The following PPL variants were observed in gnomAD, a reference collection of about 807,000 sequenced individuals.
PPL encodes periplakin.
Under a neutral mutation model 194.4 loss-of-function variants are expected in PPL, and 198 were observed. The observed-to-expected ratio is 1.02, with a 90% confidence interval of 0.91 to 1.15. The LOEUF (loss-of-function observed/expected upper bound fraction) is 1.15. PPL is among the 50% of genes most tolerant of loss of function. The probability of loss-of-function intolerance (pLI) is 0.00; values close to 1 mark genes in which losing one functional copy is unlikely to be tolerated. For missense variants in PPL, 2,885 were observed against 2,294.8 expected (o/e 1.26, Z -5.25); for synonymous variants, 1,220 against 972.4 (o/e 1.25, Z -4.74).
Position 4,899,049 on chromosome 16 carries a change from C to G in PPL, c.840G>C (p.Leu280=). ...TCCTCCCGGGGTGCTCGGCCGCCAGCAGCTGGTCGCCCTCGCTGTGCAGTT... is the reference window on the plus strand; with the variant it reads ...TCCTCCCGGGGTGCTCGGCCGCCAGGAGCTGGTCGCCCTCGCTGTGCAGTT... ...INKLHSEGDQ[L]LAAEHPGRNS... Residue 280 remains leucine, a synonymous_variant, in exon 8 of 22, where the codon CTG becomes CTC. Coordinates refer to ENST00000345988, the MANE Select transcript of PPL (RefSeq NM_002705.5). 1 of 1,612,936 alleles carries G rather than the reference C, an allele frequency of 6.2e-7. No homozygotes were observed. Among genetic ancestry groups the G allele is most frequent in the Non-Finnish European group, 8.5e-7 (1 of 1,179,448 alleles).
At position 4,890,802 on chromosome 16, in the gene PPL, G is replaced by C; in HGVS notation, c.2088C>G (p.Asp696Glu). The C allele has an allele frequency of 6.2e-7, 1 of 1,603,588 alleles. No homozygotes were observed. The highest frequency in any genetic ancestry group is 2.3e-5 in the East Asian group (1 of 44,422). ...GCACCTCGGCCTCCTGGCGCTCCAG[G>C]TCCGGACAGTGCTCCTGGAAGCGGC... Reference protein sequence around the residue: ...LASRFQEHCPDLERQEAEVHK... With the variant: ...LASRFQEHCPELERQEAEVHK... Residue 696 changes from aspartate to glutamate, a missense_variant, in exon 17 of 22, where the codon GAC (aspartate) becomes GAG (glutamate). Transcript: ENST00000345988.
At position 4,887,198 on chromosome 16, in the gene PPL, T is replaced by G. The variant is rs2088232587; in HGVS notation, c.2544A>C (p.Glu848Asp). Reference sequence around the variant, plus strand: ...GCCTCTGTCTGTTGATGGCATAAACTTCAGTGAACTTGGCGGCAAGTGCTG... The same window carrying G: ...GCCTCTGTCTGTTGATGGCATAAACGTCAGTGAACTTGGCGGCAAGTGCTG... Reference protein sequence around the residue: ...EEAALAAKFTEVYAINRQRLQ... With the variant: ...EEAALAAKFTDVYAINRQRLQ... The change falls in exon 21 of 22, where the codon GAA becomes GAC. Residue 848 changes from glutamate to aspartate, a missense_variant. By Grantham distance (45) the Glu-to-Asp change is conservative (BLOSUM62 2). Transcript: ENST00000345988. 1 of 1,613,994 alleles carries G rather than the reference T, an allele frequency of 6.2e-7. No individual in the cohort carries two copies. Among genetic ancestry groups the G allele is most frequent in the African/African-American group, 1.3e-5 (1 of 74,916 alleles).
chr16:4,894,530 A>G lies in PPL; in HGVS notation c.1331T>C (p.Ile444Thr), dbSNP rs1211520675. 1.2e-6 allele frequency: 2 copies of G among 1,613,952 alleles called. No homozygotes were observed. The highest frequency in any genetic ancestry group is 1.1e-5 in the South Asian group (1 of 91,076). The part of the protein sequence containing the change: ...ELMDSAGNKL[I>T]APAVCFVIPP... ...GATCACAAAACACACGGCCGGAGCA[A>G]TCAGCTTGTTCCCAGCGCTGTCCAT... The change falls in exon 12 of 22, where the codon ATT becomes ACT. Residue 444 changes from isoleucine to threonine, a missense_variant. Coordinates refer to ENST00000345988, the MANE Select transcript of PPL (RefSeq NM_002705.5).
chr16:4,887,960 C>T (rs147139381), intron 20 of PPL, 142 bp downstream of exon 20: 371 of 657,334 alleles, frequency 5.6e-4, no homozygotes, highest in Non-Finnish European at 8.9e-4. Context: ...CTTACCAAAC[C>T]TGTTTGCATG....
rs1049096858 is a variant in PPL at position 4,894,490 on chromosome 16, A to G, written c.1371T>C (p.Pro457=). Reference sequence around the variant, plus strand: ...ACCTGTCAGCCAGAGCCAGGGCCTCAGGGTCTGTGGGGGGGATCACAAAAC... The same window carrying G: ...ACCTGTCAGCCAGAGCCAGGGCCTCGGGGTCTGTGGGGGGGATCACAAAAC... ...AVCFVIPPTD[P]EALALADSLG... is the part of the protein sequence containing the mutation. Residue 457 remains proline, a synonymous_variant, in exon 12 of 22, where the codon CCT becomes CCC. Coordinates refer to ENST00000345988, the MANE Select transcript of PPL (RefSeq NM_002705.5). The G allele has an allele frequency of 1.2e-6, 2 of 1,613,868 alleles. No homozygotes were observed. Among genetic ancestry groups the G allele is most frequent in the Non-Finnish European group, 1.7e-6 (2 of 1,179,974 alleles).
At position 4,902,355 on chromosome 16, in the gene PPL, G is replaced by A. The variant is rs1305373254; in HGVS notation, c.438+51C>T. 4 of 1,607,020 alleles carry A rather than the reference G, an allele frequency of 2.5e-6. No individual in the cohort carries two copies. Among genetic ancestry groups the A allele is most frequent in the Non-Finnish European group, 1.7e-6 (2 of 1,176,426 alleles). On this transcript the variant is annotated intron_variant, in intron 4 of 21. Transcript: ENST00000345988. This position sits in a 1 kb window ranked among gnomAD's most constrained non-coding sequence, Gnocchi z 4.0. ...GGTAGGCTCTCCCTGCACACGCACA[G>A]CCCCCTCCCCAGCTGAAACCCTGGA...
At chr16:4,916,632 G>A (rs2142398307) in intron 1 of PPL, among the ~76,000 whole-genome samples, 1 of 151,270 alleles carries the variant, frequency 6.6e-6, no homozygotes, top group East Asian at 1.9e-4. Flanking sequence ...CAGCCTCCGA[G>A]TAACTGCGAC....
chr16:4,883,584 G>A lies in PPL; in HGVS notation c.5071C>T (p.Gln1691Ter), dbSNP rs546178374. 6.2e-7 allele frequency: 1 copy of A among 1,614,182 alleles called. No homozygotes were observed. The highest frequency in any genetic ancestry group is 8.5e-7 in the Non-Finnish European group (1 of 1,180,020). ...GAGATCTCCTCCCAGTCGCACTCCT[G>A]GCTTCTGAGTTTCACGAACATGTTC... Reference protein sequence around the residue: ...DWNMFVKLRSQECDWEEISVK... With the variant: ...DWNMFVKLRS Residue 1691 changes from glutamine to a stop codon, truncating the protein, a stop_gained, in exon 22 of 22, where the codon CAG (glutamine) becomes TAG (stop). Coordinates refer to ENST00000345988, the MANE Select transcript of PPL (RefSeq NM_002705.5). LOFTEE classifies it high-confidence loss of function. This position sits in a 1 kb window ranked among gnomAD's most constrained non-coding sequence, Gnocchi z 4.8.
Position 4,885,428 on chromosome 16 carries a change from T to C in PPL, c.3227A>G (p.Asp1076Gly), listed in dbSNP as rs780352435. The change falls in exon 22 of 22, where the codon GAC (aspartate) becomes GGC (glycine). Residue 1076 changes from aspartate to glycine, a missense_variant. Coordinates refer to ENST00000345988, the MANE Select transcript of PPL (RefSeq NM_002705.5). The surrounding 1 kb of genome is among the most constrained non-coding windows in gnomAD (Gnocchi z 6.3). ...LEAEYQQLQE[D>G]HQRQDQLREK... ...CCTGAGCTGGTCCTGGCGCTGGTGG[T>C]CCTCCTGCAGCTGCTGGTACTCTGC... 6.2e-7 allele frequency: 1 copy of C among 1,612,582 alleles called. No individual in the cohort carries two copies. Among genetic ancestry groups the C allele is most frequent in the South Asian group, 1.1e-5 (1 of 91,072 alleles).
intron 1 of PPL, among the ~76,000 whole-genome samples, chr16:4,931,673 C>G (rs980604843): frequency 2.6e-5 from 4 of 152,222 alleles, no homozygotes; most frequent in African/African-American, 9.6e-5. Context: ...GTTCTCTTCC[C>G]CAGACGAGGA....
chr16:4,888,197 T>C lies in PPL; in HGVS notation c.2419A>G (p.Lys807Glu), dbSNP rs776076400. 5 of 1,612,066 alleles carry C rather than the reference T, an allele frequency of 3.1e-6. No individual in the cohort carries two copies. The highest frequency in any genetic ancestry group is 4.2e-6 in the Non-Finnish European group (5 of 1,178,282). ...TCCAAGTCGAGAAGAGACCTTAGTT[T>C]TTCTGCTTCTAACTCATAGTCCTGC... Reference protein sequence around the residue: ...AVKDYELEAEKLRSLLDLENG... With the variant: ...AVKDYELEAEELRSLLDLENG... The change falls in exon 20 of 22, where the codon AAA (lysine) becomes GAA (glutamate). Residue 807 changes from lysine (K) to glutamate (E), a missense_variant. Coordinates refer to ENST00000345988, the MANE Select transcript of PPL (RefSeq NM_002705.5).
intron 1 of PPL, among the ~76,000 whole-genome samples, chr16:4,912,879 G>A (rs375967689): frequency 6.6e-6 from 1 of 152,174 alleles, no homozygotes; most frequent in Non-Finnish European, 1.5e-5. Flanking sequence ...CAAGGCGGGC[G>A]AATCACCTGA....
At chr16:4,903,585 T>A (rs1190888544) in intron 3 of PPL, among the ~76,000 whole-genome samples, 1 of 151,958 alleles carries the variant, frequency 6.6e-6, no homozygotes, top group Non-Finnish European at 1.5e-5. Context: ...CCGGGCATGG[T>A]GGTGCATGCC....
At chr16:4,923,395 C>T (rs1002342848) in intron 1 of PPL, among the ~76,000 whole-genome samples, 1 of 152,180 alleles carries the variant, frequency 6.6e-6, no homozygotes, top group Non-Finnish European at 1.5e-5. Flanking sequence ...CATACAAAGA[C>T]CTAAGAGTTG....
rs1030042059 is a variant in PPL, at chr16:4,897,085, AACACTTTAGGAGGCCGAGGCGGGAGG to A, written c.972+564_972+589del. On this transcript the variant is annotated intron_variant, in intron 9 of 21. Coordinates refer to ENST00000345988, the MANE Select transcript of PPL (RefSeq NM_002705.5). ...TGTGGTGGCTCACACCTGTAATCCC[AACACTTTAGGAGGCCGAGGCGGGAGG>A]ATCACCTGAGGTCAGGAGTTCGAGA... Among the ~76,000 whole-genome samples the A allele has an allele frequency of 7.9e-5, 12 of 152,080 alleles. No individual in the cohort carries two copies. In the East Asian group the frequency reaches 2.3e-3, roughly 30 times the overall value.
At position 4,900,846 on chromosome 16, in the gene PPL, T is replaced by C; in HGVS notation, c.590A>G (p.Lys197Arg). 1 of 1,614,172 alleles carries C rather than the reference T, an allele frequency of 6.2e-7. No homozygotes were observed. Among genetic ancestry groups the C allele is most frequent in the Non-Finnish European group, 8.5e-7 (1 of 1,180,034 alleles). The change falls in exon 6 of 22, where the codon AAG (lysine) becomes AGG (arginine). Residue 197 changes from lysine (K) to arginine (R), a missense_variant. Transcript: ENST00000345988. Reference protein sequence around the residue: ...DKEQNSELRAKYQKLLAASQA... With the variant: ...DKEQNSELRARYQKLLAASQA... ...GCTCCTCACCAGCAGTTTCTGGTACTTGGCCCGGAGTTCGCTGTTCTGCTC... is the reference window on the plus strand; with the variant it reads ...GCTCCTCACCAGCAGTTTCTGGTACCTGGCCCGGAGTTCGCTGTTCTGCTC...
At chr16:4,886,703 C>T (rs756620404) in intron 21 of PPL, among the ~76,000 whole-genome samples, 1 of 152,218 alleles carries the variant, frequency 6.6e-6, no homozygotes, top group Non-Finnish European at 1.5e-5. Context: ...CCTGCAACCT[C>T]CACCTCCTGG....
intron 1 of PPL, among the ~76,000 whole-genome samples, chr16:4,911,521 GTTCATTCATTCA>G (rs148372670): frequency 6.6e-6 from 1 of 151,696 alleles, no homozygotes; most frequent in Non-Finnish European, 1.5e-5. Flanking sequence ...TCATTCATTC[GTTCATTCATTCA>G]TTCATTCATT....
intron 1 of PPL, among the ~76,000 whole-genome samples, chr16:4,919,193 C>T (rs1044196553): frequency 1.7e-4 from 26 of 152,172 alleles, no homozygotes; most frequent in Admixed American, 1.5e-3. Flanking sequence ...CGCTGGCCCT[C>T]GAAGGGGCCT....
Sources: gnomAD v4.1 joint callset for allele counts (sites outside exome capture counted in the v4.1 genomes callset) on GRCh38, gnomAD v4.1.1 for gene constraint, Gnocchi (gnomAD v3.1) non-coding constraint, MANE v1.5 for transcripts, NCBI Gene and HGNC (gene_info 2026-07-23, HGNC 2026-07-21) for gene names.